SNUPN: variants seen among roughly 807,000 people sequenced by gnomAD.
SNUPN encodes the protein snurportin-1.
SNUPN carries 31 observed loss-of-function variants against 39.2 expected under a neutral mutation model. The observed-to-expected ratio is 0.79, with a 90% CI of 0.59 to 1.07. The LOEUF (loss-of-function observed/expected upper bound fraction) is 1.07, where lower values mean the gene tolerates loss of function less well. Ranked by LOEUF, SNUPN falls within the 50% of genes least tolerant of loss-of-function variation. The pLI is 0.00. For synonymous variants in SNUPN, 132 were observed against 159.0 expected (o/e 0.83, Z 1.28); for missense variants, 382 against 434.2 (o/e 0.88, Z 1.07).
intron 2 of SNUPN, among the ~76,000 whole-genome samples, chr15:75,619,305 T>A (rs1293701830): frequency 1.3e-5 from 2 of 150,838 alleles, no homozygotes; most frequent in East Asian, 3.9e-4. Flanking sequence ...AAAAAGCTTT[T>A]GTACACATAC....
At chr15:75,615,401 G>A (rs1263019822) in intron 3 of SNUPN, among the ~76,000 whole-genome samples, 2 of 151,872 alleles carry the variant, frequency 1.3e-5, no homozygotes, top group Non-Finnish European at 2.9e-5. Context: ...AACTGCTCCC[G>A]GGCACACCAT....
intron 1 of SNUPN, chr15:75,622,557 A>G (rs1893098537): frequency 2.3e-6 from 2 of 879,666 alleles, no homozygotes; most frequent in Non-Finnish European, 2.7e-6. Flanking sequence ...GCCTTAGATT[A>G]TAAGAAAACA....
At chr15:75,600,707 G>A (rs1397248550) in intron 8 of SNUPN, 3 of 193,330 alleles carry the variant, frequency 1.6e-5, no homozygotes, top group Non-Finnish European at 3.2e-5. Context: ...GAAAGGATTA[G>A]GGATTTGGAC....
chr15:75,613,500 G>A (rs906417427), intron 3 of SNUPN, among the ~76,000 whole-genome samples: 9 of 151,186 alleles, frequency 6.0e-5, no homozygotes, highest in Non-Finnish European at 1.0e-4. Context: ...AAAATTAGCC[G>A]GAAGTGGTGG....
chr15:75,605,837 A>G (rs1224903756), intron 6 of SNUPN, among the ~76,000 whole-genome samples: 1 of 152,156 alleles, frequency 6.6e-6, no homozygotes, highest in Non-Finnish European at 1.5e-5. Context: ...TGTGCTTCTT[A>G]GCATCTCAGC....
At chr15:75,600,419 C>T (rs919290335) in intron 8 of SNUPN, among the ~76,000 whole-genome samples, 3 of 152,064 alleles carry the variant, frequency 2.0e-5, no homozygotes, top group African/African-American at 4.8e-5. Context: ...GGATTACAGG[C>T]ATCTGCCAAT....
intron 2 of SNUPN, among the ~76,000 whole-genome samples, 173 bp downstream of exon 2, chr15:75,620,721 A>G (rs951015931): frequency 1.3e-5 from 2 of 152,208 alleles, no homozygotes; most frequent in Non-Finnish European, 2.9e-5. Flanking sequence ...AGCTCTGGGT[A>G]TAAAAGAAAC....
At chr15:75,607,385 A>C in intron 5 of SNUPN, 72 bp from the exon 6 acceptor site, 11 of 996,092 alleles carry the variant, frequency 1.1e-5, no homozygotes, top group Non-Finnish European at 1.8e-5. Flanking sequence ...CAACCTAGGG[A>C]GCCCCATCCC....
At position 75,621,000 on chromosome 15, in the gene SNUPN, G is replaced by C; in HGVS notation, c.52C>G (p.Leu18Val). 1.2e-6 allele frequency: 2 copies of C among 1,614,134 alleles called. No individual in the cohort carries two copies. Among genetic ancestry groups the C allele is most frequent in the Non-Finnish European group, 1.7e-6 (2 of 1,179,996 alleles). ...LASSFSVSQD[L>V]NSTAAPHPRL... ...GGGTGTGGGGCAGCTGTGCTGTTCAGATCTTGAGACACAGAAAAGCTACTA... is the reference window on the plus strand; with the variant it reads ...GGGTGTGGGGCAGCTGTGCTGTTCACATCTTGAGACACAGAAAAGCTACTA... Residue 18 changes from leucine to valine, a missense_variant, in exon 2 of 9, where the codon CTG becomes GTG. By Grantham distance (32) the Leu-to-Val change is conservative (BLOSUM62 1). Transcript: ENST00000308588.
intron 7 of SNUPN, 138 bp from the exon 8 acceptor site, chr15:75,601,356 C>T (rs1399884046): frequency 1.0e-5 from 6 of 601,218 alleles, no homozygotes; most frequent in Non-Finnish European, 1.8e-5. Context: ...AGGAGGATCA[C>T]CTGAGGTCAA....
At chr15:75,600,226 C>G (rs1431865351) in intron 8 of SNUPN, among the ~76,000 whole-genome samples, 2 of 151,470 alleles carry the variant, frequency 1.3e-5, no homozygotes, top group African/African-American at 4.9e-5. Context: ...GGTTCTGAGG[C>G]TGACAAGACT....
chr15:75,609,290 C>T (rs963555419), intron 5 of SNUPN, among the ~76,000 whole-genome samples: 15 of 147,608 alleles, frequency 1.0e-4, no homozygotes, highest in Non-Finnish European at 1.8e-4. Context: ...CCTGGGTTCA[C>T]GCCATTCTCC....
chr15:75,603,658 C>T, intron 7 of SNUPN, among the ~76,000 whole-genome samples: 1 of 122,202 alleles, frequency 8.2e-6, no homozygotes, highest in African/African-American at 3.4e-5. Context: ...GAGACTCTGT[C>T]TCAAAAAAAA....
chr15:75,621,836 A>C (rs568518292), intron 1 of SNUPN, among the ~76,000 whole-genome samples: 7 of 151,668 alleles, frequency 4.6e-5, no homozygotes, highest in Non-Finnish European at 8.8e-5. Flanking sequence ...AGGAGTTCGA[A>C]ACCAGCCTGA....
At chr15:75,617,996 A>C (rs1892977843) in intron 2 of SNUPN, among the ~76,000 whole-genome samples, 1 of 152,176 alleles carries the variant, frequency 6.6e-6, no homozygotes, top group Non-Finnish European at 1.5e-5. Context: ...AAATGATGGA[A>C]TCTCCTTTGC....
intron 3 of SNUPN, among the ~76,000 whole-genome samples, chr15:75,615,756 C>T (rs1469259878): frequency 2.0e-5 from 3 of 151,892 alleles, no homozygotes; most frequent in Non-Finnish European, 4.4e-5. Flanking sequence ...CGCCTGCCAC[C>T]ACCACGCCTG....
rs551066113 is a variant in SNUPN at position 75,602,882 on chromosome 15, T to C, written c.679-1664A>G. The stretch of plus-strand genomic sequence containing the variant: ...TCAGCCTCCCAAAGTGATGGGATTA[T>C]AGGCACACATCACCATACCTGGCTA... On this transcript the variant is annotated intron_variant, in intron 7 of 8. Coordinates refer to ENST00000308588, the MANE Select transcript of SNUPN (RefSeq NM_005701.4). Among the ~76,000 whole-genome samples, 4 of 151,944 alleles carry C rather than the reference T, an allele frequency of 2.6e-5. No individual in the cohort carries two copies. The South Asian group carries it at 8.4e-4, about 32-fold the overall frequency.
chr15:75,607,493 C>T (rs1324367234), intron 5 of SNUPN, among the ~76,000 whole-genome samples, 180 bp from the exon 6 acceptor site: 1 of 152,192 alleles, frequency 6.6e-6, no homozygotes, highest in Non-Finnish European at 1.5e-5. Flanking sequence ...CTACCAGCTA[C>T]AGCTTCATGG....
At chr15:75,607,519 C>T (rs1266001554) in intron 5 of SNUPN, among the ~76,000 whole-genome samples, 2 of 152,164 alleles carry the variant, frequency 1.3e-5, no homozygotes, top group Non-Finnish European at 2.9e-5. Context: ...CAGGGTAAGA[C>T]AGCACAAGAC....
Sources: allele counts gnomAD v4.1 joint callset (sites outside exome capture counted in the v4.1 genomes callset), GRCh38; gene constraint gnomAD v4.1.1; transcripts MANE v1.5; gene names NCBI Gene and HGNC (gene_info 2026-07-23, HGNC 2026-07-21).